Variants in EFCAB6 observed in about 807,000 individuals in gnomAD.
EFCAB6 encodes the protein EF-hand calcium-binding domain-containing protein 6.
Under a neutral mutation model 169.8 loss-of-function variants are expected in EFCAB6, and 156 were observed. That is an observed-to-expected ratio of 0.92 (90% CI 0.81 to 1.05). EFCAB6 has a LOEUF of 1.05. EFCAB6 is among the 50% of genes least tolerant of loss of function. The pLI, the probability that EFCAB6 is intolerant of heterozygous loss-of-function variation, is 0.00. For synonymous variants in EFCAB6, 698 were observed against 676.4 expected (o/e 1.03, Z -0.50); for missense variants, 1,800 against 1,829.1 (o/e 0.98, Z 0.29).
intron 26 of EFCAB6, among the ~76,000 whole-genome samples, chr22:43,559,602 G>A (rs946481139): frequency 3.9e-5 from 6 of 152,106 alleles, no homozygotes; most frequent in Admixed American, 6.5e-5. Context: ...GCAAAGACTT[G>A]GAACCAACCC....
At chr22:43,666,257 G>A (rs538932254) in intron 17 of EFCAB6, among the ~76,000 whole-genome samples, 105 of 152,164 alleles carry the variant, frequency 6.9e-4, no homozygotes, top group Non-Finnish European at 1.3e-3. Context: ...GACTATTTCA[G>A]TAGCTACCTA....
Position 43,784,635 on chromosome 22 carries a change from A to ATACACATATATATGTG in EFCAB6, c.-7-2311_-7-2310insCACATATATATGTGTA, listed in dbSNP as rs2061990947. Among the ~76,000 whole-genome samples the ATACACATATATATGTG allele has an allele frequency of 5.1e-5, 3 of 59,170 alleles. 1 individual carries two copies. The highest frequency in any genetic ancestry group is 6.8e-5 in the Non-Finnish European group (2 of 29,412). The allele number at this position is 59,170 out of a possible 152,430, so 38.8% of individuals were successfully genotyped here. ...TGTGTATATATACACATATATATGT[A>ATACACATATATATGTG]TATGTACACATATATATGTGTATAT... On this transcript the variant is annotated intron_variant, in intron 2 of 31. Coordinates refer to ENST00000262726, the MANE Select transcript of EFCAB6 (RefSeq NM_022785.4).
At chr22:43,530,164 A>G (rs1157576082) in intron 31 of EFCAB6, among the ~76,000 whole-genome samples, 1 of 152,224 alleles carries the variant, frequency 6.6e-6, no homozygotes, top group East Asian at 1.9e-4. Context: ...CCACGCCCGA[A>G]TTCCTGGGAA....
chr22:43,703,235 C>T (rs2058830498), intron 10 of EFCAB6, among the ~76,000 whole-genome samples: 1 of 152,220 alleles, frequency 6.6e-6, no homozygotes, highest in South Asian at 2.1e-4. Context: ...TTGGCTGCCC[C>T]ACCTGAACTC....
chr22:43,793,510 C>A (rs1050861368), intron 2 of EFCAB6, among the ~76,000 whole-genome samples: 1 of 152,188 alleles, frequency 6.6e-6, no homozygotes, highest in South Asian at 2.1e-4. Context: ...TGGCTAGGGT[C>A]TAGGAAGAGA....
chr22:43,630,352 G>A (rs903359747), intron 19 of EFCAB6, among the ~76,000 whole-genome samples: 29 of 152,214 alleles, frequency 1.9e-4, no homozygotes, highest in Admixed American at 2.0e-4. Context: ...TAGAGTGGGT[G>A]TCGGTGATGG....
chr22:43,647,824 C>T (rs1424356383), intron 17 of EFCAB6, among the ~76,000 whole-genome samples: 4 of 152,110 alleles, frequency 2.6e-5, no homozygotes, highest in Non-Finnish European at 4.4e-5. Flanking sequence ...AGCTACAGGC[C>T]GAGGGATGCC....
chr22:43,590,374 A>C (rs1266568059), intron 23 of EFCAB6, 145 bp from the exon 24 acceptor site: 26 of 812,234 alleles, frequency 3.2e-5, no homozygotes, highest in Non-Finnish European at 9.0e-6. Flanking sequence ...GCCTCAGTGT[A>C]ATACTGACAT....
intron 2 of EFCAB6, among the ~76,000 whole-genome samples, chr22:43,786,032 C>G (rs1215076888): frequency 6.6e-6 from 1 of 152,098 alleles, no homozygotes; most frequent in Non-Finnish European, 1.5e-5. Flanking sequence ...GAACCAGGAC[C>G]AGATGAGTTC....
chr22:43,605,721 G>T (rs1389803892), intron 22 of EFCAB6, among the ~76,000 whole-genome samples: 1 of 152,100 alleles, frequency 6.6e-6, no homozygotes, highest in Non-Finnish European at 1.5e-5. Context: ...CATGATGAAC[G>T]TATTGAATAC....
At chr22:43,695,089 T>C (rs2058525574) in intron 10 of EFCAB6, among the ~76,000 whole-genome samples, 2 of 152,022 alleles carry the variant, frequency 1.3e-5, no homozygotes. Flanking sequence ...TTAGGTGACA[T>C]GACTGTACTT....
At chr22:43,624,395 G>T (rs556168936) in intron 20 of EFCAB6, among the ~76,000 whole-genome samples, 1 of 152,130 alleles carries the variant, frequency 6.6e-6, no homozygotes, top group South Asian at 2.1e-4. Flanking sequence ...CCTGCCTACT[G>T]ATAGAAGGTG....
chr22:43,578,703 C>T (rs1365620922), intron 25 of EFCAB6, among the ~76,000 whole-genome samples: 1 of 152,028 alleles, frequency 6.6e-6, no homozygotes, highest in Non-Finnish European at 1.5e-5. Flanking sequence ...TTATTCTGTA[C>T]ATGCAGGCAT....
At chr22:43,543,496 T>C (rs2047867645) in intron 27 of EFCAB6, among the ~76,000 whole-genome samples, 1 of 152,158 alleles carries the variant, frequency 6.6e-6, no homozygotes, top group African/African-American at 2.4e-5. Flanking sequence ...TCTCTGCCTC[T>C]AGGACAGGGG....
chr22:43,756,605 G>C (rs2060967040), intron 5 of EFCAB6, among the ~76,000 whole-genome samples: 1 of 152,154 alleles, frequency 6.6e-6, no homozygotes, highest in South Asian at 2.1e-4. Context: ...TACCTGCCAG[G>C]TCTAGGGCCG....
intron 6 of EFCAB6, among the ~76,000 whole-genome samples, chr22:43,746,786 T>C (rs2060580445): frequency 6.6e-6 from 1 of 152,220 alleles, no homozygotes; most frequent in South Asian, 2.1e-4. Context: ...GGGCTGCTGA[T>C]CTATAAGAAA....
At chr22:43,716,015 G>A (rs2059321497) in intron 9 of EFCAB6, among the ~76,000 whole-genome samples, 1 of 152,104 alleles carries the variant, frequency 6.6e-6, no homozygotes, top group South Asian at 2.1e-4. Context: ...TTTATACAAA[G>A]TTTTGCTGTA....
At chr22:43,679,461 C>G (rs905154523) in intron 12 of EFCAB6, among the ~76,000 whole-genome samples, 1 of 152,132 alleles carries the variant, frequency 6.6e-6, no homozygotes, top group African/African-American at 2.4e-5. Flanking sequence ...GTTCACAAGT[C>G]TTTGTGTGGA....
At position 43,665,407 on chromosome 22, in the gene EFCAB6, C is replaced by A. The variant is rs570354655; in HGVS notation, c.1983+1697G>T. On this transcript the variant is annotated intron_variant, in intron 17 of 31. Transcript: ENST00000262726. ...GCCTTACCAACATCTACTGCCACTT[C>A]TCTAAGATAGTCACTTTCCACTCTG... Among the ~76,000 whole-genome samples, 37 of 152,288 alleles carry A rather than the reference C, an allele frequency of 2.4e-4. No individual in the cohort carries two copies. In the South Asian group the frequency reaches 4.4e-3, roughly 18 times the overall value.
Sources: gnomAD v4.1 joint callset for allele counts (sites outside exome capture counted in the v4.1 genomes callset) on GRCh38, gnomAD v4.1.1 for gene constraint, MANE v1.5 for transcripts, NCBI Gene and HGNC (gene_info 2026-07-23, HGNC 2026-07-21) for gene names.